MYG1: variants seen among roughly 807,000 people sequenced by gnomAD.
MYG1 encodes the protein UPF0160 protein MYG1, mitochondrial.
Under a neutral mutation model 43.5 loss-of-function variants are expected in MYG1, and 36 were observed. That is an observed-to-expected ratio of 0.83 (90% CI 0.63 to 1.09). MYG1 has a LOEUF of 1.09. MYG1 is among the 50% of genes least tolerant of loss of function. The probability of loss-of-function intolerance (pLI) is 0.00; values close to 1 mark genes in which losing one functional copy is unlikely to be tolerated. For synonymous variants in MYG1, 220 were observed against 202.8 expected (o/e 1.08, Z -0.72); for missense variants, 529 against 495.1 (o/e 1.07, Z -0.65).
intron 3 of MYG1, among the ~76,000 whole-genome samples, chr12:53,304,595 A>G (rs1159674700): frequency 1.3e-5 from 2 of 151,710 alleles, no homozygotes; most frequent in African/African-American, 4.8e-5. Flanking sequence ...ACAATTGACT[A>G]AATTTAACCC....
chr12:53,301,248 G>A (rs1357650749), intron 2 of MYG1, among the ~76,000 whole-genome samples: 1 of 151,982 alleles, frequency 6.6e-6, no homozygotes, highest in East Asian at 1.9e-4. Context: ...AGTTCCACTA[G>A]TGTCTCTGCC....
At chr12:53,305,713 A>G in intron 3 of MYG1, 195 bp from the exon 4 acceptor site, 1 of 616,140 alleles carries the variant, frequency 1.6e-6, no homozygotes, top group Non-Finnish European at 2.6e-6. Context: ...GGTGATCTGA[A>G]TTCCAGTCAC....
At chr12:53,305,874 A>G (rs1474859157) in intron 3 of MYG1, 34 bp from the exon 4 acceptor site, 2 of 1,553,370 alleles carry the variant, frequency 1.3e-6, no homozygotes, top group Admixed American at 3.9e-5. Context: ...AGTAGCAGGT[A>G]GCCTCAAGAA....
chr12:53,302,347 G>A (rs746033341), intron 2 of MYG1, among the ~76,000 whole-genome samples: 1 of 152,198 alleles, frequency 6.6e-6, no homozygotes, highest in African/African-American at 2.4e-5. Flanking sequence ...TTCTGAGATG[G>A]ACTGGTATTT....
chr12:53,306,405 T>C (rs1944281818), intron 5 of MYG1, 85 bp downstream of exon 5: 1 of 1,560,884 alleles, frequency 6.4e-7, no homozygotes. Flanking sequence ...CCCTAAACCC[T>C]GGAGTGCAGT....
At chr12:53,302,609 C>A (rs2121060151) in intron 2 of MYG1, among the ~76,000 whole-genome samples, 1 of 152,316 alleles carries the variant, frequency 6.6e-6, no homozygotes, top group South Asian at 2.1e-4. Context: ...CCAGCTTTTT[C>A]TTTTGCCATT....
Position 53,299,836 on chromosome 12 carries a change from C to T in MYG1, c.99C>T (p.Pro33=), listed in dbSNP as rs145904512. 9.0e-4 allele frequency: 1,453 copies of T among 1,614,200 alleles called. 2 individuals are homozygous for T. In the African/African-American group the frequency reaches 9.9e-3, roughly 11 times the overall value. ...HRMLGPESVP[P]PKRSRSKLMA... is the part of the protein sequence containing the mutation. ...TGCTCGGTCCAGAGTCCGTCCCGCC[C>T]CCAAAACGATCCCGCAGCAAACTCA... The change falls in exon 1 of 7, where the codon CCC becomes CCT. Residue 33 remains proline (P), a synonymous_variant. Coordinates refer to ENST00000267103, the MANE Select transcript of MYG1 (RefSeq NM_021640.4).
Position 53,306,719 on chromosome 12 carries a change from G to A in MYG1, c.805G>A (p.Ala269Thr). Residue 269 changes from alanine (A) to threonine (T), a missense_variant, in exon 6 of 7, where the codon GCA (alanine) becomes ACA (threonine). Ala to Thr is a moderately conservative substitution (Grantham distance 58). Transcript: ENST00000267103. ...AGAGATTGTGGAACTGGCGAAAGGT[G>A]CATGTCCCTGGAAGGAGCATCTCTA... The part of the protein sequence containing the change: ...SGEIVELAKG[A>T]CPWKEHLYHL... The A allele has an allele frequency of 1.2e-6, 2 of 1,614,170 alleles. No individual in the cohort carries two copies. Among genetic ancestry groups the A allele is most frequent in the Non-Finnish European group, 1.7e-6 (2 of 1,180,004 alleles).
intron 3 of MYG1, 53 bp from the exon 4 acceptor site, chr12:53,305,855 T>G (rs975125487): frequency 6.5e-7 from 1 of 1,535,388 alleles, no homozygotes; most frequent in African/African-American, 1.4e-5. Flanking sequence ...TCATGTAAGA[T>G]TTCACATAAG....
chr12:53,306,495 C>A (rs918298329), intron 5 of MYG1, 175 bp downstream of exon 5: 1 of 1,069,944 alleles, frequency 9.3e-7, no homozygotes, highest in East Asian at 2.5e-5. Context: ...AGGCACACAC[C>A]ACCTCACCCA....
intron 1 of MYG1, 95 bp downstream of exon 1, chr12:53,300,048 C>T: frequency 6.5e-7 from 1 of 1,542,560 alleles, no homozygotes; most frequent in Non-Finnish European, 8.8e-7. Flanking sequence ...TAGCGCCCGG[C>T]AGCCCAAGCA....
In MYG1 at chr12:53,299,706, C is replaced by T. The variant is rs772316209; in HGVS notation, c.-32C>T. 6 of 1,572,420 alleles carry T rather than the reference C, an allele frequency of 3.8e-6. No homozygotes were observed. The highest frequency in any genetic ancestry group is 2.7e-5 in the African/African-American group (2 of 73,762). ...TGCGCTGGCGCTTCCTCTTCCGGGT[C>T]GGCGCTCCTGCCTCCCTGCAGGGAG... On this transcript the variant is annotated 5_prime_UTR_variant, in exon 1 of 7. Transcript: ENST00000267103.
chr12:53,305,309 A>G (rs1944265133), intron 3 of MYG1, among the ~76,000 whole-genome samples: 2 of 152,088 alleles, frequency 1.3e-5, no homozygotes, highest in African/African-American at 4.8e-5. Flanking sequence ...TTTGTAGGGT[A>G]ATTTTGCATA....
chr12:53,302,952 G>T, intron 2 of MYG1, 82 bp from the exon 3 acceptor site: 1 of 1,362,448 alleles, frequency 7.3e-7, no homozygotes, highest in Non-Finnish European at 9.9e-7. Context: ...CAGATAGGAA[G>T]CATTGAGTTA....
At chr12:53,300,042 G>T in intron 1 of MYG1, 89 bp downstream of exon 1, 2 of 1,550,562 alleles carry the variant, frequency 1.3e-6, no homozygotes, top group Non-Finnish European at 1.8e-6. Context: ...CTCCGATAGC[G>T]CCCGGCAGCC....
In MYG1 at chr12:53,306,034, T is replaced by C. The variant is rs1944275470; in HGVS notation, c.616T>C (p.Trp206Arg). Residue 206 changes from tryptophan (W) to arginine (R), a missense_variant, in exon 4 of 7, where the codon TGG becomes CGG. Trp to Arg is a moderately radical substitution (Grantham distance 101). Transcript: ENST00000267103. ...SARVARLNPT[W>R]NHPDQDTEAG... ...ACGAGTTGCTCGACTTAATCCTACC[T>C]GGAACCACCCCGACCAAGACACTGA... The C allele has an allele frequency of 6.2e-7, 1 of 1,613,750 alleles. No individual in the cohort carries two copies. Among genetic ancestry groups the C allele is most frequent in the African/African-American group, 1.3e-5 (1 of 74,936 alleles).
chr12:53,306,507 C>A (rs1015793656), intron 5 of MYG1, 173 bp from the exon 6 acceptor site: 13 of 1,074,900 alleles, frequency 1.2e-5, no homozygotes, highest in Non-Finnish European at 1.7e-5. Flanking sequence ...CCTCACCCAG[C>A]TAATTTTTGT....
Position 53,299,910 on chromosome 12 carries a change from A to C in MYG1, c.173A>C (p.Glu58Ala), listed in dbSNP as rs1565772381. 3 of 1,614,050 alleles carry C rather than the reference A, an allele frequency of 1.9e-6. No homozygotes were observed. The African/African-American group carries it at 4.0e-5, about 22-fold the overall frequency. ...GTHNGTFHCD[E>A]ALACALLRLL... ...CACAATGGCACCTTCCACTGCGACG[A>C]GGCACTGGCATGCGCACTGCTTCGC... The change falls in exon 1 of 7, where the codon GAG becomes GCG. Residue 58 changes from glutamate (E) to alanine (A), a missense_variant. By Grantham distance (107) the Glu-to-Ala change is moderately radical. Transcript: ENST00000267103.
In MYG1 at chr12:53,305,131, G is replaced by C. The variant is rs528116274; in HGVS notation, c.490-777G>C. ...GATCCGCCCGCCTCGGCCTCCCAAAGTGCTGGGATTACAGGCGTGAGCCAC... is the reference window on the plus strand; with the variant it reads ...GATCCGCCCGCCTCGGCCTCCCAAACTGCTGGGATTACAGGCGTGAGCCAC... On this transcript the variant is annotated intron_variant, in intron 3 of 6. Transcript: ENST00000267103. 8.6e-5 allele frequency among the ~76,000 whole-genome samples: 13 copies of C among 151,994 alleles called. No homozygotes were observed. The East Asian group carries it at 2.5e-3, about 30-fold the overall frequency.
Sources: allele counts gnomAD v4.1 joint callset (sites outside exome capture counted in the v4.1 genomes callset), GRCh38; gene constraint gnomAD v4.1.1; transcripts MANE v1.5; gene names NCBI Gene and HGNC (gene_info 2026-07-23, HGNC 2026-07-21).